The following ALKAL1 variants were observed in gnomAD, a reference collection of about 807,000 sequenced individuals.
ALKAL1 encodes the protein AUG-beta.
Under a neutral mutation model 13.5 loss-of-function variants are expected in ALKAL1, and 23 were observed. The observed-to-expected ratio is 1.70, with a 90% CI of 1.23 to 2.41. The LOEUF (loss-of-function observed/expected upper bound fraction) is 2.41. ALKAL1 is among the 30% of genes most tolerant of loss of function. The probability of loss-of-function intolerance (pLI) is 0.00; values close to 1 mark genes in which losing one functional copy is unlikely to be tolerated. For missense variants in ALKAL1, 181 were observed against 178.4 expected, an observed-to-expected ratio of 1.01 and a Z score of -0.08; for synonymous variants, 85 against 77.7, an observed-to-expected ratio of 1.09 and a Z score of -0.49.
intron 1 of ALKAL1, among the ~76,000 whole-genome samples, chr8:52,543,543 G>A (rs1563320631): frequency 6.6e-6 from 1 of 152,226 alleles, no homozygotes; most frequent in African/African-American, 2.4e-5. Context: ...GCGCAGGAAT[G>A]CAGAGAGATC....
Position 52,534,349 on chromosome 8 carries a change from C to A in ALKAL1, c.*264G>T, listed in dbSNP as rs1847247503. ...CTAGTAAAAATAAAATACAATCACA[C>A]AATTTTTAATATCTAATTTTCAATA... On this transcript the variant is annotated 3_prime_UTR_variant, in exon 5 of 5. Transcript: ENST00000358543. The A allele has an allele frequency of 6.2e-6, 2 of 320,774 alleles. No homozygotes were observed. Among genetic ancestry groups the A allele is most frequent in the Admixed American group, 4.8e-5 (1 of 20,836 alleles). The allele number at this position is 320,774 out of a possible 1,614,324, so 19.9% of individuals were successfully genotyped here.
intron 1 of ALKAL1, among the ~76,000 whole-genome samples, chr8:52,549,218 A>G (rs4873661): frequency 0.71 from 107,475 of 151,726 alleles, 38,255 homozygotes; most frequent in East Asian, 0.89. Flanking sequence ...TTATTTTAAA[A>G]ACAAGACACT....
intron 2 of ALKAL1, among the ~76,000 whole-genome samples, chr8:52,540,914 CGT>C (rs1563320079): frequency 6.6e-6 from 1 of 152,114 alleles, no homozygotes; most frequent in Non-Finnish European, 1.5e-5. Context: ...CCATCCTTTC[CGT>C]TAATAAACAG....
At chr8:52,558,050 T>C (rs921941241) in intron 1 of ALKAL1, among the ~76,000 whole-genome samples, 11 of 149,494 alleles carry the variant, frequency 7.4e-5, no homozygotes, top group South Asian at 2.1e-4. Flanking sequence ...TCCCAGCACT[T>C]TGGGAGGCTG....
chr8:52,534,563 C>A lies in ALKAL1; in HGVS notation c.*50G>T. 1.7e-6 allele frequency: 1 copy of A among 596,882 alleles called. No homozygotes were observed. The highest frequency in any genetic ancestry group is 3.0e-6 in the Non-Finnish European group (1 of 336,702). The allele number at this position is 596,882 out of a possible 1,614,324, so 37.0% of individuals were successfully genotyped here. On this transcript the variant is annotated 3_prime_UTR_variant, in exon 5 of 5. Coordinates refer to ENST00000358543, the MANE Select transcript of ALKAL1 (RefSeq NM_207413.4). ...TTTACATTTTGCATGATTTGAGGCA[C>A]TTTTTCTTCAAATTAGATGTACATT...
chr8:52,540,064 C>T (rs1310662100), intron 2 of ALKAL1, among the ~76,000 whole-genome samples, 153 bp from the exon 3 acceptor site: 1 of 152,178 alleles, frequency 6.6e-6, no homozygotes, highest in Non-Finnish European at 1.5e-5. Context: ...CCTACCCAGG[C>T]TCTGTGGGAG....
intron 1 of ALKAL1, among the ~76,000 whole-genome samples, chr8:52,560,794 C>T (rs1460043913): frequency 6.6e-6 from 1 of 152,172 alleles, no homozygotes; most frequent in East Asian, 1.9e-4. Context: ...ATCCTGCTAG[C>T]TAGCAGCCCC....
At chr8:52,561,545 G>C (rs915540225) in intron 1 of ALKAL1, among the ~76,000 whole-genome samples, 13 of 152,188 alleles carry the variant, frequency 8.5e-5, no homozygotes, top group Non-Finnish European at 1.6e-4. Context: ...ACTTACAGTA[G>C]CTCCTGAGAG....
At chr8:52,561,638 A>G (rs1212900393) in intron 1 of ALKAL1, among the ~76,000 whole-genome samples, 1 of 152,130 alleles carries the variant, frequency 6.6e-6, no homozygotes, top group African/African-American at 2.4e-5. Flanking sequence ...TTCCTGGAAA[A>G]TCAAGAGAAA....
At chr8:52,561,253 T>C (rs1847547722) in intron 1 of ALKAL1, among the ~76,000 whole-genome samples, 1 of 152,218 alleles carries the variant, frequency 6.6e-6, no homozygotes, top group African/African-American at 2.4e-5. Context: ...AATCCCACTA[T>C]TACGCAAGCC....
At chr8:52,557,074 C>T (rs954092316) in intron 1 of ALKAL1, among the ~76,000 whole-genome samples, 7 of 152,196 alleles carry the variant, frequency 4.6e-5, no homozygotes, top group Non-Finnish European at 8.8e-5. Flanking sequence ...CCAAACCCAA[C>T]GTGTAACTTG....
rs1245826036 is a variant in ALKAL1, at chr8:52,549,498, G to A, written c.191-7053C>T. Among the ~76,000 whole-genome samples the A allele has an allele frequency of 6.6e-5, 10 of 151,032 alleles. No homozygotes were observed. The East Asian group carries it at 1.4e-3, about 20-fold the overall frequency. Reference sequence around the variant, plus strand: ...AGCTACTTCAACCTCTGCCTTCATCGTAACATGAAGTTCTCCTGTGTCTCT... The same window carrying A: ...AGCTACTTCAACCTCTGCCTTCATCATAACATGAAGTTCTCCTGTGTCTCT... On this transcript the variant is annotated intron_variant, in intron 1 of 4. Transcript: ENST00000358543.
intron 2 of ALKAL1, 85 bp downstream of exon 2, chr8:52,542,307 T>G: frequency 1.1e-6 from 1 of 901,092 alleles, no homozygotes; most frequent in Non-Finnish European, 1.7e-6. Flanking sequence ...AGACATTTAT[T>G]TTCATATCCC....
In ALKAL1 at chr8:52,534,515, TA is replaced by T; in HGVS notation, c.*97del. 1.8e-6 allele frequency: 1 copy of T among 561,088 alleles called. No homozygotes were observed. 34.8% of individuals were successfully genotyped at this position (561,088 alleles called of 1,614,324 possible). ...CTTATTTTACTCATCTTAATATCCA[TA>T]AAAATATAAATTTCATCTTTTTTTA... On this transcript the variant is annotated 3_prime_UTR_variant, in exon 5 of 5. Transcript: ENST00000358543.
At chr8:52,535,223 T>C (rs1368049119) in intron 4 of ALKAL1, among the ~76,000 whole-genome samples, 4 of 152,076 alleles carry the variant, frequency 2.6e-5, no homozygotes, top group Non-Finnish European at 5.9e-5. Flanking sequence ...AATAACCAAG[T>C]GAATTATCTT....
chr8:52,563,201 T>C (rs1321209317), intron 1 of ALKAL1, among the ~76,000 whole-genome samples: 1 of 152,090 alleles, frequency 6.6e-6, no homozygotes, highest in Non-Finnish European at 1.5e-5. Context: ...GCAGATCACT[T>C]GAGGTCAGGA....
rs1847247133 is a variant in ALKAL1 at position 52,534,307 on chromosome 8, T to A, written c.*306A>T. ...ATGTTTAATTAGAATGTTAACCATA[T>A]AAAGAAAATAATATATCTAGTAAAA... On this transcript the variant is annotated 3_prime_UTR_variant, in exon 5 of 5. Transcript: ENST00000358543. The A allele has an allele frequency of 4.1e-6, 1 of 241,296 alleles. No individual in the cohort carries two copies. The highest frequency in any genetic ancestry group is 5.4e-5 in the Admixed American group (1 of 18,350). 14.9% of individuals were successfully genotyped at this position (241,296 alleles called of 1,614,324 possible).
chr8:52,544,757 A>T (rs1302291925), intron 1 of ALKAL1, among the ~76,000 whole-genome samples: 2 of 152,060 alleles, frequency 1.3e-5, no homozygotes, highest in Non-Finnish European at 2.9e-5. Context: ...AGTTCTCACC[A>T]CCAAAAAAAA....
At chr8:52,537,120 A>C (rs957613371) in intron 4 of ALKAL1, among the ~76,000 whole-genome samples, 2 of 152,236 alleles carry the variant, frequency 1.3e-5, no homozygotes, top group African/African-American at 4.8e-5. Context: ...CAAACAATTA[A>C]ACAGCAAAAA....
Sources: allele counts gnomAD v4.1 joint callset (sites outside exome capture counted in the v4.1 genomes callset), GRCh38; gene constraint gnomAD v4.1.1; transcripts MANE v1.5; gene names NCBI Gene and HGNC (gene_info 2026-07-23, HGNC 2026-07-21).